Variants in PCDHGA3 observed in about 807,000 individuals in gnomAD.
The protein encoded by PCDHGA3 is protocadherin gamma-A3.
A neutral mutation model predicts 58.5 loss-of-function variants in PCDHGA3; 40 were observed. That is an observed-to-expected ratio of 0.68 (90% CI 0.53 to 0.89). The LOEUF is 0.89. PCDHGA3 is among the 40% of genes least tolerant of loss of function. PCDHGA3 has a pLI of 0.00. For synonymous variants in PCDHGA3, 530 were observed against 525.7 expected (o/e 1.01, Z -0.11); for missense variants, 1,223 against 1,195.9 (o/e 1.02, Z -0.33).
chr5:141,409,729 G>GCAGAGC (rs1178571616), intron 1 of PCDHGA3: 2 of 1,612,966 alleles, frequency 1.2e-6, no homozygotes, highest in African/African-American at 2.7e-5. Context: ...CAGTGAGCGC[G>GCAGAGC]CAGAGCGGGG....
chr5:141,477,013 T>C lies in PCDHGA3; in HGVS notation c.2425-17794T>C. ...TGCGGCAACTATTCGCCTTAGACCT[T>C]GTAACCGGGATGCTGACAATCAAGG... On this transcript the variant is annotated intron_variant, in intron 1 of 3. Coordinates refer to ENST00000253812, the MANE Select transcript of PCDHGA3 (RefSeq NM_018916.4). The surrounding 1 kb of genome is among the most constrained non-coding windows in gnomAD (Gnocchi z 4.9). 6.2e-7 allele frequency: 1 copy of C among 1,614,204 alleles called. No homozygotes were observed. The highest frequency in any genetic ancestry group is 8.5e-7 in the Non-Finnish European group (1 of 1,180,028).
intron 3 of PCDHGA3, among the ~76,000 whole-genome samples, chr5:141,508,930 T>A (rs2099873149): frequency 6.6e-6 from 1 of 151,836 alleles, no homozygotes; most frequent in African/African-American, 2.4e-5. Context: ...CTTTTGGAGT[T>A]AATTAGGGAA....
chr5:141,423,265 G>A (rs973635802), intron 1 of PCDHGA3: 15 of 1,613,548 alleles, frequency 9.3e-6, no homozygotes, highest in African/African-American at 1.3e-5. Context: ...CGGCAGCCTC[G>A]AGTCTCTGGC....
At chr5:141,409,559 G>A (rs1421541308) in intron 1 of PCDHGA3, 1 of 1,613,936 alleles carries the variant, frequency 6.2e-7, no homozygotes, top group Admixed American at 1.7e-5. Context: ...CCCAGTTTTC[G>A]ACCAGACGTC....
At chr5:141,375,882 A>G in intron 1 of PCDHGA3, 1 of 1,613,814 alleles carries the variant, frequency 6.2e-7, no homozygotes, top group Non-Finnish European at 8.5e-7. Flanking sequence ...GACTCGGGCC[A>G]GAACGCCTGG....
At chr5:141,423,557 G>C in intron 1 of PCDHGA3, 2 of 1,613,654 alleles carry the variant, frequency 1.2e-6, no homozygotes, top group Non-Finnish European at 1.7e-6. Context: ...CCCAACTATG[G>C]GGACACGCTC....
intron 1 of PCDHGA3, chr5:141,427,068 G>A (rs1407368715): frequency 2.2e-6 from 1 of 457,950 alleles, no homozygotes; most frequent in East Asian, 6.9e-5. Flanking sequence ...TGTACTAAAG[G>A]TGACAGCCAC....
Position 141,420,141 on chromosome 5 carries a change from T to C in PCDHGA3, c.2424+73684T>C, listed in dbSNP as rs556066866. 9.9e-6 allele frequency: 16 copies of C among 1,614,040 alleles called. No homozygotes were observed. The East Asian group carries it at 3.3e-4, about 34-fold the overall frequency. On this transcript the variant is annotated intron_variant, in intron 1 of 3. Coordinates refer to ENST00000253812, the MANE Select transcript of PCDHGA3 (RefSeq NM_018916.4). ...AATTTTTGTGTGCCTGGGGATCAAA[T>C]GAATCCAGAATTTAATTTTTTCACA... is the stretch of plus-strand genomic sequence containing the variant.
At chr5:141,394,591 C>A in intron 1 of PCDHGA3, 2 of 1,613,762 alleles carry the variant, frequency 1.2e-6, no homozygotes, top group Non-Finnish European at 1.7e-6. Context: ...AAGGTGGTGG[C>A]GGTGGACAGA....
chr5:141,507,287 C>G (rs79707942), intron 3 of PCDHGA3: 1 of 148,974 alleles, frequency 6.7e-6, no homozygotes, highest in East Asian at 1.9e-4. Context: ...AAGTCAGTCT[C>G]AAATGTTGCA....
At position 141,355,808 on chromosome 5, in the gene PCDHGA3, A is replaced by G. The variant is rs533937335; in HGVS notation, c.2424+9351A>G. The stretch of plus-strand genomic sequence containing the variant: ...GTGCTGGAACGCGCTCTAGATCGCG[A>G]GGAAGAGGCGGTTCACCACCTCGTT... On this transcript the variant is annotated intron_variant, in intron 1 of 3. Coordinates refer to ENST00000253812, the MANE Select transcript of PCDHGA3 (RefSeq NM_018916.4). 7 of 1,613,360 alleles carry G rather than the reference A, an allele frequency of 4.3e-6. No homozygotes were observed. The South Asian group carries it at 6.6e-5, about 15-fold the overall frequency.
intron 1 of PCDHGA3, chr5:141,403,769 A>G (rs2094453064): frequency 6.2e-7 from 1 of 1,613,948 alleles, no homozygotes; most frequent in Non-Finnish European, 8.5e-7. Context: ...GGATGAGGGA[A>G]TCAACGGAAA....
At chr5:141,464,223 CCACTGCA>C (rs916210777) in intron 1 of PCDHGA3, among the ~76,000 whole-genome samples, 4 of 150,824 alleles carry the variant, frequency 2.7e-5, no homozygotes, top group Non-Finnish European at 4.4e-5. Flanking sequence ...TGAGATTGCG[CCACTGCA>C]CTCCAGCCTG....
intron 1 of PCDHGA3, among the ~76,000 whole-genome samples, chr5:141,401,282 C>G (rs963741934): frequency 4.0e-5 from 6 of 151,884 alleles, no homozygotes; most frequent in African/African-American, 1.5e-4. Context: ...GTGGAGGTTG[C>G]GGTGAGCCGA....
chr5:141,433,651 C>T (rs905489069), intron 1 of PCDHGA3, among the ~76,000 whole-genome samples: 3 of 152,064 alleles, frequency 2.0e-5, no homozygotes, highest in Non-Finnish European at 2.9e-5. Context: ...GCCTGACCAA[C>T]ATGGAGAAAC....
chr5:141,463,176 C>CA (rs2099054640), intron 1 of PCDHGA3, among the ~76,000 whole-genome samples: 1 of 152,100 alleles, frequency 6.6e-6, no homozygotes, highest in African/African-American at 2.4e-5. Flanking sequence ...TATGTATGCT[C>CA]AGATTATTAT....
At chr5:141,349,463 C>T (rs1758301249) in intron 1 of PCDHGA3, among the ~76,000 whole-genome samples, 1 of 152,106 alleles carries the variant, frequency 6.6e-6, no homozygotes, top group Non-Finnish European at 1.5e-5. Flanking sequence ...TGTATGTGTA[C>T]CCCAACACTA....
chr5:141,385,690 G>A (rs1308061047), intron 1 of PCDHGA3: 1 of 326,260 alleles, frequency 3.1e-6, no homozygotes, highest in African/African-American at 2.2e-5. Context: ...GTCTTCTCAG[G>A]ATTCTCTTTA....
intron 1 of PCDHGA3, chr5:141,383,229 G>A: frequency 6.2e-7 from 1 of 1,613,958 alleles, no homozygotes. Flanking sequence ...ACATCCTGAT[G>A]GAAGATAAAA....
Sources: allele counts gnomAD v4.1 joint callset (sites outside exome capture counted in the v4.1 genomes callset), GRCh38; gene constraint gnomAD v4.1.1; non-coding constraint Gnocchi (gnomAD v3.1); transcripts MANE v1.5; gene names NCBI Gene and HGNC (gene_info 2026-07-23, HGNC 2026-07-21).